The following ATP2B2 variants were observed in gnomAD, a reference collection of about 807,000 sequenced individuals.
ATP2B2 encodes ATPase plasma membrane Ca2+ transporting 2.
Under a neutral mutation model 120.0 loss-of-function variants are expected in ATP2B2, and 15 were observed. That is an observed-to-expected ratio of 0.12 (90% confidence interval 0.08 to 0.19). The LOEUF (loss-of-function observed/expected upper bound fraction) is 0.19. Ranked by LOEUF, ATP2B2 falls within the 10% of genes least tolerant of loss-of-function variation. The pLI, the probability that ATP2B2 is intolerant of heterozygous loss-of-function variation, is 1.00. For missense variants in ATP2B2, 1,045 were observed against 1,719.8 expected (o/e 0.61, Z 6.94); for synonymous variants, 694 against 700.3 (o/e 0.99, Z 0.14).
intron 1 of ATP2B2, among the ~76,000 whole-genome samples, chr3:10,656,117 G>A (rs779632957): frequency 6.6e-6 from 1 of 152,206 alleles, no homozygotes; most frequent in African/African-American, 2.4e-5. Context: ...AGGCAGTGGG[G>A]ATGGCTGGGA....
chr3:10,616,605 T>A (rs1182539126), intron 2 of ATP2B2, among the ~76,000 whole-genome samples: 1 of 152,214 alleles, frequency 6.6e-6, no homozygotes, highest in Non-Finnish European at 1.5e-5. Context: ...TAAAAAAATT[T>A]GTTTTTGAGA....
intron 2 of ATP2B2, among the ~76,000 whole-genome samples, chr3:10,444,616 TATC>T (rs998897983): frequency 6.6e-6 from 1 of 152,256 alleles, no homozygotes; most frequent in African/African-American, 2.4e-5. Flanking sequence ...TTGTCCCCCT[TATC>T]AACCCCGCCA....
At chr3:10,350,906 G>A (rs1460134298) in intron 14 of ATP2B2, among the ~76,000 whole-genome samples, 1 of 152,212 alleles carries the variant, frequency 6.6e-6, no homozygotes, top group African/African-American at 2.4e-5. Context: ...ACTTTGGAAA[G>A]ACTTCCATGA....
At position 10,346,107 on chromosome 3, in the gene ATP2B2, C is replaced by T. The variant is rs758486263; in HGVS notation, c.2435G>A (p.Arg812Gln). ...GIIDSTHTEQRQVVAVTGDGT... is the reference protein window; with the variant it reads ...GIIDSTHTEQQQVVAVTGDGT... ...GTCCCCCGTCACGGCCACCACCTGC[C>T]GCTGCTCAGTGTGTGTGCTGTCGAT... is the stretch of plus-strand genomic sequence containing the variant. Residue 812 changes from arginine to glutamine, a missense_variant, in exon 17 of 23, where the codon CGG becomes CAG. Physicochemically the swap from Arg to Gln is conservative, Grantham distance 43. Around this residue, in one of 11 missense-constraint regions of ATP2B2, gnomAD observed 98 missense variants for 266.7 expected, o/e 0.37. Transcript: ENST00000360273. The surrounding 1 kb of genome is among the most constrained non-coding windows in gnomAD (Gnocchi z 4.1). 6.8e-6 allele frequency: 11 copies of T among 1,611,764 alleles called. No individual in the cohort carries two copies. Among genetic ancestry groups the T allele is most frequent in the African/African-American group, 1.3e-5 (1 of 74,946 alleles).
chr3:10,418,508 A>G (rs2062864614), intron 2 of ATP2B2, among the ~76,000 whole-genome samples: 1 of 152,178 alleles, frequency 6.6e-6, no homozygotes. Context: ...GCTGTATCAA[A>G]AGTAGAGCCC....
chr3:10,589,471 C>G (rs1413230641), intron 2 of ATP2B2, among the ~76,000 whole-genome samples: 2 of 152,212 alleles, frequency 1.3e-5, no homozygotes, highest in Non-Finnish European at 2.9e-5. Context: ...AGCCTGTTGC[C>G]AAACGCAGTT....
In ATP2B2 at chr3:10,346,020, G is replaced by A; in HGVS notation, c.2511+11C>T. 6.2e-7 allele frequency: 1 copy of A among 1,608,262 alleles called. No individual in the cohort carries two copies. The highest frequency in any genetic ancestry group is 8.5e-7 in the Non-Finnish European group (1 of 1,179,034). On this transcript the variant is annotated intron_variant, in intron 17 of 22. Transcript: ENST00000360273. This position sits in a 1 kb window ranked among gnomAD's most constrained non-coding sequence, Gnocchi z 4.1. ...CCCCACCACCCCAGGCCCTCTGTGG[G>A]CCGTTCCTACCATGGCGAAGCCCAC...
At chr3:10,617,575 C>G (rs1192665965) in intron 2 of ATP2B2, among the ~76,000 whole-genome samples, 2 of 152,240 alleles carry the variant, frequency 1.3e-5, no homozygotes, top group African/African-American at 4.8e-5. Flanking sequence ...GGGGTGGAGT[C>G]ACCCACATGC....
intron 3 of ATP2B2, among the ~76,000 whole-genome samples, chr3:10,517,663 C>T (rs2066903214): frequency 6.6e-6 from 1 of 152,162 alleles, no homozygotes; most frequent in Non-Finnish European, 1.5e-5. Context: ...CTCACTGAAT[C>T]CGTGCAACCC....
intron 12 of ATP2B2, among the ~76,000 whole-genome samples, chr3:10,367,535 G>A (rs1435999722): frequency 6.6e-6 from 1 of 152,138 alleles, no homozygotes; most frequent in East Asian, 1.9e-4. Context: ...CCATGGATGA[G>A]CACCTGCCTG....
chr3:10,429,348 G>A (rs2063240014), intron 2 of ATP2B2, among the ~76,000 whole-genome samples: 1 of 152,194 alleles, frequency 6.6e-6, no homozygotes. Flanking sequence ...CCTGCATTGA[G>A]CAAGTCTATA....
intron 2 of ATP2B2, among the ~76,000 whole-genome samples, chr3:10,560,166 T>A (rs2067871164): frequency 6.6e-6 from 1 of 152,232 alleles, no homozygotes; most frequent in Admixed American, 6.5e-5. Context: ...GTCGCTGGGC[T>A]TCTGAACAAA....
intron 2 of ATP2B2, among the ~76,000 whole-genome samples, chr3:10,616,682 G>GCACA (rs34616841): frequency 1.9e-3 from 283 of 151,154 alleles, no homozygotes; most frequent in Middle Eastern, 0.01. Flanking sequence ...CTAGCAAAAT[G>GCACA]CACACACACA....
chr3:10,490,071 G>A (rs1047300510), intron 1 of ATP2B2, among the ~76,000 whole-genome samples: 12 of 152,152 alleles, frequency 7.9e-5, no homozygotes, highest in African/African-American at 1.9e-4. Context: ...ACTTGCCCTC[G>A]TGGGGCCCTC....
intron 3 of ATP2B2, among the ~76,000 whole-genome samples, chr3:10,526,396 G>A (rs987338203): frequency 2.0e-5 from 3 of 152,198 alleles, no homozygotes; most frequent in African/African-American, 7.2e-5. Flanking sequence ...TCCTTGGGGT[G>A]CAAGGAGCTT....
At position 10,343,081 on chromosome 3, in the gene ATP2B2, C is replaced by T. The variant is rs1263976225; in HGVS notation, c.2704-116G>A. 3.0e-6 allele frequency: 3 copies of T among 1,001,168 alleles called. No individual in the cohort carries two copies. Among genetic ancestry groups the T allele is most frequent in the South Asian group, 1.5e-5 (1 of 68,658 alleles). 62.0% of individuals were successfully genotyped at this position (1,001,168 alleles called of 1,614,324 possible). A position where few individuals can be genotyped will look rare whatever the true frequency, so the allele number is the denominator to read the frequency against. On this transcript the variant is annotated intron_variant, in intron 18 of 22. Coordinates refer to ENST00000360273, the MANE Select transcript of ATP2B2 (RefSeq NM_001001331.4). This position sits in a 1 kb window ranked among gnomAD's most constrained non-coding sequence, Gnocchi z 4.2. ...CTGCTGGAGGCTGGAGTCCGACCTG[C>T]CCCTTGGCTCCCCAGCAGGCATGGA...
At chr3:10,371,456 G>A (rs11718097) in intron 12 of ATP2B2, among the ~76,000 whole-genome samples, 51,792 of 152,116 alleles carry the variant, frequency 0.34, 9,859 homozygotes, top group East Asian at 0.64. Flanking sequence ...CTGACTCACA[G>A]GACTTTGAGT....
intron 2 of ATP2B2, among the ~76,000 whole-genome samples, chr3:10,554,143 G>A (rs527971755): frequency 6.6e-5 from 10 of 152,212 alleles, no homozygotes; most frequent in African/African-American, 2.2e-4. Context: ...CCCCATGTAT[G>A]GCGCTTGACC....
intron 1 of ATP2B2, among the ~76,000 whole-genome samples, chr3:10,637,008 T>C (rs1226543272): frequency 1.3e-5 from 2 of 152,224 alleles, no homozygotes; most frequent in Non-Finnish European, 1.5e-5. Flanking sequence ...ATAGTGCCTA[T>C]TGCCATTAGC....
Sources: gnomAD v4.1 joint callset for allele counts (sites outside exome capture counted in the v4.1 genomes callset) on GRCh38, gnomAD v4.1.1 for gene constraint, gnomAD v4.1.1 regional missense constraint, Gnocchi (gnomAD v3.1) non-coding constraint, MANE v1.5 for transcripts, NCBI Gene and HGNC (gene_info 2026-07-23, HGNC 2026-07-21) for gene names.